P2RX7: variants seen among roughly 807,000 people sequenced by gnomAD.
P2RX7 encodes the protein P2X purinoceptor 7.
Under a neutral mutation model 71.6 loss-of-function variants are expected in P2RX7, and 62 were observed. The ratio of observed to expected loss-of-function variants is 0.87; its 90% confidence interval spans 0.71 to 1.07. The LOEUF is 1.07. P2RX7 is among the 50% of genes least tolerant of loss of function. The pLI is 0.00. For missense variants in P2RX7, 686 were observed against 748.5 expected, an observed-to-expected ratio of 0.92 and a Z score of 0.97; for synonymous variants, 299 against 283.3, an observed-to-expected ratio of 1.06 and a Z score of -0.56.
chr12:121,171,372 T>C (rs1882144744), intron 8 of P2RX7, among the ~76,000 whole-genome samples: 1 of 149,330 alleles, frequency 6.7e-6, no homozygotes, highest in Non-Finnish European at 1.5e-5. Context: ...TTTTTTTTTT[T>C]TTTTTTTTTG....
At chr12:121,136,643 C>T (rs907046527) in intron 1 of P2RX7, among the ~76,000 whole-genome samples, 1 of 137,222 alleles carries the variant, frequency 7.3e-6, no homozygotes, top group Non-Finnish European at 1.5e-5. Flanking sequence ...TTCTTTCTTT[C>T]TTTCTTTTTT....
intron 2 of P2RX7, chr12:121,155,191 C>A: frequency 1.4e-6 from 2 of 1,473,246 alleles, no homozygotes; most frequent in Non-Finnish European, 1.8e-6. Context: ...TGTCCTGGTG[C>A]ATTGAAAACA....
chr12:121,142,951 C>T (rs575124331), intron 1 of P2RX7, among the ~76,000 whole-genome samples: 1 of 150,924 alleles, frequency 6.6e-6, no homozygotes, highest in Admixed American at 6.6e-5. Flanking sequence ...TAGCTGGGCG[C>T]GCACCTGTAG....
intron 1 of P2RX7, among the ~76,000 whole-genome samples, chr12:121,144,112 C>G (rs1436681433): frequency 1.3e-5 from 2 of 152,210 alleles, no homozygotes; most frequent in Non-Finnish European, 2.9e-5. Context: ...GGAGATTTGT[C>G]TTTTCTGGAC....
intron 8 of P2RX7, among the ~76,000 whole-genome samples, chr12:121,174,625 A>G (rs971970995): frequency 6.6e-6 from 1 of 152,194 alleles, no homozygotes; most frequent in African/African-American, 2.4e-5. Flanking sequence ...CAGTTTGCTG[A>G]GGTGTGCCTG....
chr12:121,163,705 G>A (rs181483032), intron 5 of P2RX7, among the ~76,000 whole-genome samples: 20 of 152,260 alleles, frequency 1.3e-4, no homozygotes, highest in African/African-American at 4.3e-4. Flanking sequence ...CGATCCTCCT[G>A]CCTTGGCCTC....
rs1312951836 is a variant in P2RX7, at chr12:121,149,319, G to A, written c.126-5466G>A. Among the ~76,000 whole-genome samples the A allele has an allele frequency of 6.6e-6, 1 of 152,128 alleles. No homozygotes were observed. On this transcript the variant is annotated intron_variant, in intron 1 of 12. Coordinates refer to ENST00000328963, the MANE Select transcript of P2RX7 (RefSeq NM_002562.6). This position sits in a 1 kb window ranked among gnomAD's most constrained non-coding sequence, Gnocchi z 4.7. ...GACTTGCCTGTGAGTGCCCCTTGATGGCTGTATTAGTCTGTTCTCACGCTG... is the reference window on the plus strand; with the variant it reads ...GACTTGCCTGTGAGTGCCCCTTGATAGCTGTATTAGTCTGTTCTCACGCTG...
At chr12:121,162,333 G>T (rs1002820190) in intron 4 of P2RX7, 91 bp from the exon 5 acceptor site, 2 of 1,534,554 alleles carry the variant, frequency 1.3e-6, no homozygotes, top group African/African-American at 1.4e-5. Flanking sequence ...CTAGTCTCTC[G>T]CCCGGGTTGA....
At chr12:121,139,733 C>CTTTTTTTTTTTTTT (rs10696338) in intron 1 of P2RX7, among the ~76,000 whole-genome samples, 1 of 126,766 alleles carries the variant, frequency 7.9e-6, no homozygotes, top group African/African-American at 3.1e-5. Context: ...CCCTGACCAT[C>CTTTTTTTTTTTTTT]TTTTTTTTTT....
rs141775247 is a variant in P2RX7 at position 121,180,340 on chromosome 12, C to T, written c.1189-14C>T. 4.1e-4 allele frequency: 609 copies of T among 1,482,216 alleles called. 2 individuals carry two copies. The African/African-American group carries it at 7.5e-3, about 18-fold the overall frequency. The allele number at this position is 1,482,216 out of a possible 1,614,324, so 91.8% of individuals were successfully genotyped here. A position where few individuals can be genotyped will look rare whatever the true frequency, so the allele number is the denominator to read the frequency against. On this transcript the variant is annotated splice_polypyrimidine_tract_variant and intron_variant, in intron 11 of 12. Coordinates refer to ENST00000328963, the MANE Select transcript of P2RX7 (RefSeq NM_002562.6). ...GTACAAAAATGGGTAAACTTTCAAACCATCTTTTCCTAGACATTAAAGTAT... is the reference window on the plus strand; with the variant it reads ...GTACAAAAATGGGTAAACTTTCAAATCATCTTTTCCTAGACATTAAAGTAT...
Position 121,180,443 on chromosome 12 carries a change from C to T in P2RX7, c.1278C>T (p.Gly426=). Reference sequence around the variant, plus strand: ...GGAGAAGTCTGCAAGATGTCAAGGGCCAAGAAGTCCCAGTAAGTTAAATCA... The same window carrying T: ...GGAGAAGTCTGCAAGATGTCAAGGGTCAAGAAGTCCCAGTAAGTTAAATCA... ...LLGRSLQDVK[G]QEVPRPAMDF... is the part of the protein sequence containing the mutation. Residue 426 remains glycine (G), a synonymous_variant, in exon 12 of 13, where the codon GGC becomes GGT. Coordinates refer to ENST00000328963, the MANE Select transcript of P2RX7 (RefSeq NM_002562.6). 1 of 1,559,032 alleles carries T rather than the reference C, an allele frequency of 6.4e-7. No individual in the cohort carries two copies. The highest frequency in any genetic ancestry group is 8.7e-7 in the Non-Finnish European group (1 of 1,145,942).
intron 1 of P2RX7, among the ~76,000 whole-genome samples, chr12:121,143,806 C>T (rs1205485765): frequency 1.3e-5 from 2 of 151,784 alleles, no homozygotes; most frequent in Non-Finnish European, 2.9e-5. Context: ...GAGCCGAGGT[C>T]ATGGCATTGC....
Position 121,136,003 on chromosome 12 carries a change from C to CAAA in P2RX7, c.125+2927_125+2929dup, listed in dbSNP as rs1191508376. On this transcript the variant is annotated intron_variant, in intron 1 of 12. Transcript: ENST00000328963. ...TGAGCCACAGAGCAAGACTCTGTCT[C>CAAA]AAAAAAAAAAAAAAAAAAAAATATA... 1.2e-3 allele frequency among the ~76,000 whole-genome samples: 15 copies of CAAA among 12,830 alleles called. 4 individuals carry two copies. The East Asian group carries it at 0.056, about 48-fold the overall frequency. The allele number at this position is 12,830 out of a possible 152,430, so 8.4% of individuals were successfully genotyped here. A position where few individuals can be genotyped will look rare whatever the true frequency, so the allele number is the denominator to read the frequency against.
At chr12:121,141,341 A>T (rs1390876566) in intron 1 of P2RX7, among the ~76,000 whole-genome samples, 1 of 152,168 alleles carries the variant, frequency 6.6e-6, no homozygotes, top group African/African-American at 2.4e-5. Context: ...GCCTCCGGGG[A>T]TGCTGCCCCA....
At chr12:121,144,288 T>A (rs1370368095) in intron 1 of P2RX7, among the ~76,000 whole-genome samples, 1 of 152,024 alleles carries the variant, frequency 6.6e-6, no homozygotes, top group African/African-American at 2.4e-5. Context: ...ACCTCTACCT[T>A]CCGGATTCAA....
Position 121,154,812 on chromosome 12 carries a change from C to A in P2RX7, c.153C>A (p.Tyr51Ter). 1 of 1,613,746 alleles carries A rather than the reference C, an allele frequency of 6.2e-7. No homozygotes were observed. The highest frequency in any genetic ancestry group is 8.5e-7 in the Non-Finnish European group (1 of 1,179,624). ...VCFALVSDKLYQRKEPVISSV... is the reference protein window; with the variant it reads ...VCFALVSDKL ...TTGCTCTGGTGAGTGACAAGCTGTACCAGCGGAAAGAGCCTGTCATCAGTT... is the reference window on the plus strand; with the variant it reads ...TTGCTCTGGTGAGTGACAAGCTGTAACAGCGGAAAGAGCCTGTCATCAGTT... Residue 51 changes from tyrosine to a stop codon, truncating the protein, a stop_gained, in exon 2 of 13, where the codon TAC becomes TAA. Coordinates refer to ENST00000328963, the MANE Select transcript of P2RX7 (RefSeq NM_002562.6). LOFTEE classifies it high-confidence loss of function. This position sits in a 1 kb window ranked among gnomAD's most constrained non-coding sequence, Gnocchi z 4.2.
rs1872725982 is a variant in P2RX7, at chr12:121,132,940, C to T, written c.-31C>T. 1 of 1,612,330 alleles carries T rather than the reference C, an allele frequency of 6.2e-7. No homozygotes were observed. Among genetic ancestry groups the T allele is most frequent in the African/African-American group, 1.3e-5 (1 of 74,934 alleles). ...CTGTCAGGAAGAGTAGAGCTCTGGTCCAGCTCCGCGCAGGGAGGGAGGCTG... is the reference window on the plus strand; with the variant it reads ...CTGTCAGGAAGAGTAGAGCTCTGGTTCAGCTCCGCGCAGGGAGGGAGGCTG... On this transcript the variant is annotated 5_prime_UTR_variant, in exon 1 of 13. Coordinates refer to ENST00000328963, the MANE Select transcript of P2RX7 (RefSeq NM_002562.6).
At chr12:121,148,964 G>A (rs1053765373) in intron 1 of P2RX7, 9 of 448,350 alleles carry the variant, frequency 2.0e-5, no homozygotes, top group African/African-American at 1.6e-4. Flanking sequence ...ATACACTTTG[G>A]AGGCTCAGCC....
Position 121,165,397 on chromosome 12 carries a change from A to T in P2RX7, c.574A>T (p.Ile192Phe), listed in dbSNP as rs1415945883. The T allele has an allele frequency of 6.2e-7, 1 of 1,614,116 alleles. No homozygotes were observed. Among genetic ancestry groups the T allele is most frequent in the Non-Finnish European group, 8.5e-7 (1 of 1,180,012 alleles). Residue 192 changes from isoleucine to phenylalanine, a missense_variant, in exon 6 of 13, where the codon ATC becomes TTC. By Grantham distance (21) the Ile-to-Phe change is conservative. Transcript: ENST00000328963. Reference protein sequence around the residue: ...LNSAENFTVLIKNNIDFPGHN... With the variant: ...LNSAENFTVLFKNNIDFPGHN... ...CAGTGCCGAAAACTTCACTGTGCTC[A>T]TCAAGAACAATATCGACTTCCCCGG...
Sources: gnomAD v4.1 joint callset for allele counts (sites outside exome capture counted in the v4.1 genomes callset) on GRCh38, gnomAD v4.1.1 for gene constraint, Gnocchi (gnomAD v3.1) non-coding constraint, MANE v1.5 for transcripts, NCBI Gene and HGNC (gene_info 2026-07-23, HGNC 2026-07-21) for gene names.